Variants in SPRYD3 observed in about 807,000 individuals in gnomAD.
SPRYD3 encodes SPRY domain containing 3.
In SPRYD3, 17 loss-of-function variants were observed where a neutral mutation model predicts 50.1. That is an observed-to-expected ratio of 0.34 (90% CI 0.23 to 0.51). The LOEUF (loss-of-function observed/expected upper bound fraction) is 0.51. Ranked by LOEUF, SPRYD3 falls within the 20% of genes least tolerant of loss-of-function variation. The pLI, the probability that SPRYD3 is intolerant of heterozygous loss-of-function variation, is 0.97. For synonymous variants in SPRYD3, 198 were observed against 215.5 expected (o/e 0.92, Z 0.71); for missense variants, 401 against 591.2 (o/e 0.68, Z 3.34).
At position 53,067,712 on chromosome 12, in the gene SPRYD3, CAAG is replaced by C. The variant is rs1249133493; in HGVS notation, c.844-10_844-8del. 5 of 1,613,544 alleles carry C rather than the reference CAAG, an allele frequency of 3.1e-6. No individual in the cohort carries two copies. Among genetic ancestry groups the C allele is most frequent in the Non-Finnish European group, 4.2e-6 (5 of 1,179,596 alleles). On this transcript the variant is annotated splice_polypyrimidine_tract_variant and splice_region_variant and intron_variant, in intron 7 of 10. Transcript: ENST00000301463. The stretch of plus-strand genomic sequence containing the variant: ...GCCTGTTCTTGGGATAGTCCTGCAC[CAAG>C]AAGAGAAAAGAAAATCTATGGTCCC...
chr12:53,070,245 T>C (rs546781639), intron 6 of SPRYD3, among the ~76,000 whole-genome samples: 61 of 152,294 alleles, frequency 4.0e-4, no homozygotes, highest in African/African-American at 1.3e-3. Context: ...GCCCTCACAG[T>C]GAAAGCCATC....
At chr12:53,073,262 C>CGGGGGGGGGGGGG in intron 6 of SPRYD3, 24 bp downstream of exon 6, 1 of 145,522 alleles carries the variant, frequency 6.9e-6, no homozygotes. Context: ...CCCAGCCCCT[C>CGGGGGGGGGGGGG]CCACCCTCCC....
chr12:53,075,314 G>C (rs1359992098), intron 3 of SPRYD3, 95 bp from the exon 4 acceptor site: 3 of 1,350,744 alleles, frequency 2.2e-6, no homozygotes, highest in Non-Finnish European at 3.1e-6. Context: ...AAAGGGCGCT[G>C]AGGCTCAAAA....
At chr12:53,068,054 C>G in intron 7 of SPRYD3, 101 bp downstream of exon 7, 3 of 1,392,754 alleles carry the variant, frequency 2.2e-6, no homozygotes, top group Non-Finnish European at 3.0e-6. Context: ...CCCTCCAAAG[C>G]CTGGGCTCCC....
chr12:53,070,117 C>T (rs748200753), intron 6 of SPRYD3, among the ~76,000 whole-genome samples: 3 of 152,228 alleles, frequency 2.0e-5, no homozygotes, highest in Non-Finnish European at 4.4e-5. Context: ...AAAACCCACT[C>T]TCTACCTGCC....
intron 1 of SPRYD3, among the ~76,000 whole-genome samples, chr12:53,078,707 A>G (rs1208507813): frequency 6.6e-6 from 1 of 152,178 alleles, no homozygotes; most frequent in Non-Finnish European, 1.5e-5. Flanking sequence ...CCCTACATAT[A>G]AATGAATGAA....
chr12:53,073,428 G>C lies in SPRYD3; in HGVS notation c.551C>G (p.Pro184Arg). 6.4e-7 allele frequency: 1 copy of C among 1,571,942 alleles called. No individual in the cohort carries two copies. Among genetic ancestry groups the C allele is most frequent in the Non-Finnish European group, 8.6e-7 (1 of 1,157,978 alleles). ...ACCCAGGGAGTGCATGCCCACTGCT[G>C]GGAACAGTCCATCTGGGGACATGGG... is the stretch of plus-strand genomic sequence containing the variant. ...IMPMSPDGLF[P>R]AVGMHSLGEE... Residue 184 changes from proline to arginine, a missense_variant, in exon 6 of 11, where the codon CCA becomes CGA. Pro to Arg is a moderately radical substitution (Grantham distance 103). Transcript: ENST00000301463.
At position 53,065,972 on chromosome 12, in the gene SPRYD3, G is replaced by T. The variant is rs373969613; in HGVS notation, c.1195-6C>A. 86 of 1,611,410 alleles carry T rather than the reference G, an allele frequency of 5.3e-5. 1 individual carries two copies. The Middle Eastern group carries it at 7.3e-3, about 136-fold the overall frequency. On this transcript the variant is annotated splice_region_variant and splice_polypyrimidine_tract_variant and intron_variant, in intron 10 of 10. Coordinates refer to ENST00000301463, the MANE Select transcript of SPRYD3 (RefSeq NM_032840.3). ...CCATTCCGAGTGAAGAAAACCTGGGGAGGAGGTGGGGAGAAGAATGGAGCA... is the reference window on the plus strand; with the variant it reads ...CCATTCCGAGTGAAGAAAACCTGGGTAGGAGGTGGGGAGAAGAATGGAGCA...
chr12:53,070,635 A>C (rs1310132029), intron 6 of SPRYD3, among the ~76,000 whole-genome samples: 1 of 152,212 alleles, frequency 6.6e-6, no homozygotes, highest in Non-Finnish European at 1.5e-5. Context: ...ATTTCCAAAA[A>C]CAAGTGGGAA....
At chr12:53,070,719 C>T (rs1311716587) in intron 6 of SPRYD3, among the ~76,000 whole-genome samples, 3 of 152,124 alleles carry the variant, frequency 2.0e-5, no homozygotes, top group South Asian at 2.1e-4. Flanking sequence ...TTGGAATTGC[C>T]GATCACAAAG....
chr12:53,074,960 G>A lies in SPRYD3; in HGVS notation c.371+135C>T. ...TAGTCTGTAAGCCTTCAAGGGTGCTGCCAGGCCACTTCCCTGTCCTGACCA... is the reference window on the plus strand; with the variant it reads ...TAGTCTGTAAGCCTTCAAGGGTGCTACCAGGCCACTTCCCTGTCCTGACCA... On this transcript the variant is annotated intron_variant, in intron 4 of 10. Coordinates refer to ENST00000301463, the MANE Select transcript of SPRYD3 (RefSeq NM_032840.3). This position sits in a 1 kb window ranked among gnomAD's most constrained non-coding sequence, Gnocchi z 4.6. 2.9e-6 allele frequency: 4 copies of A among 1,388,980 alleles called. No individual in the cohort carries two copies. The highest frequency in any genetic ancestry group is 3.0e-6 in the Non-Finnish European group (3 of 996,930). 86.0% of individuals were successfully genotyped at this position (1,388,980 alleles called of 1,614,324 possible). A position where few individuals can be genotyped will look rare whatever the true frequency, so the allele number is the denominator to read the frequency against.
In SPRYD3 at chr12:53,070,317, T is replaced by C. The variant is rs139760118; in HGVS notation, c.694-2013A>G. 2.5e-3 allele frequency among the ~76,000 whole-genome samples: 386 copies of C among 152,288 alleles called. 3 individuals are homozygous for C. The highest frequency in any genetic ancestry group is 8.8e-3 in the African/African-American group (367 of 41,554). Reference sequence around the variant, plus strand: ...AGCTCCCCCGACCCCTCCTGAGCCTTCCCAGAGAACTCAGAGGGGTGGAAG... The same window carrying C: ...AGCTCCCCCGACCCCTCCTGAGCCTCCCCAGAGAACTCAGAGGGGTGGAAG... On this transcript the variant is annotated intron_variant, in intron 6 of 10. Coordinates refer to ENST00000301463, the MANE Select transcript of SPRYD3 (RefSeq NM_032840.3).
At chr12:53,071,409 A>G (rs886306412) in intron 6 of SPRYD3, among the ~76,000 whole-genome samples, 2 of 152,178 alleles carry the variant, frequency 1.3e-5, no homozygotes, top group Non-Finnish European at 2.9e-5. Context: ...TCACTTTGCG[A>G]GGCCTGGAGG....
intron 1 of SPRYD3, 150 bp downstream of exon 1, chr12:53,079,161 G>T: frequency 1.2e-6 from 1 of 837,512 alleles, no homozygotes; most frequent in Non-Finnish European, 1.9e-6. Flanking sequence ...CCCTGCACTG[G>T]GCCGAGGGTG....
intron 6 of SPRYD3, 155 bp downstream of exon 6, chr12:53,073,131 G>A: frequency 3.6e-6 from 2 of 548,836 alleles, no homozygotes; most frequent in Non-Finnish European, 6.6e-6. Context: ...TGGACTCAAG[G>A]ACTCATGTCA....
In SPRYD3 at chr12:53,073,127, C is replaced by G. The variant is rs1359284318; in HGVS notation, c.693+159G>C. The G allele has an allele frequency of 9.1e-6, 5 of 548,016 alleles. No individual in the cohort carries two copies. The African/African-American group carries it at 9.5e-5, about 10-fold the overall frequency. 33.9% of individuals were successfully genotyped at this position (548,016 alleles called of 1,614,324 possible). On this transcript the variant is annotated intron_variant, in intron 6 of 10. Transcript: ENST00000301463. ...GCTAAAGAAAACACAGATCTGGACT[C>G]AAGGACTCATGTCAAGAGCCTAGGC...
chr12:53,079,379 C>T lies in SPRYD3; in HGVS notation c.-46G>A. On this transcript the variant is annotated 5_prime_UTR_variant, in exon 1 of 11. The change creates a new upstream start codon in the 5' untranslated region. Transcript: ENST00000301463. ...CACACAAGCTCTTCGGCCGCCGCCA[C>T]CACACACATCCGGGTCCCCGCCTTT... 2 of 1,589,698 alleles carry T rather than the reference C, an allele frequency of 1.3e-6. No homozygotes were observed.
rs766825162 is a variant in SPRYD3 at position 53,067,687 on chromosome 12, G to A, written c.862C>T (p.His288Tyr). 3.1e-6 allele frequency: 5 copies of A among 1,613,936 alleles called. No homozygotes were observed. Among genetic ancestry groups the A allele is most frequent in the Non-Finnish European group, 4.2e-6 (5 of 1,179,976 alleles). Residue 288 changes from histidine (H) to tyrosine (Y), a missense_variant, in exon 8 of 11, where the codon CAC (histidine) becomes TAC (tyrosine). By Grantham distance (83) the His-to-Tyr change is moderately conservative (BLOSUM62 2). Transcript: ENST00000301463. ...LARKDYPKNR[H>Y]PGWSRGSVAY... ...ACAGACCCTCTGCTCCAGCCAGGGTGCCTGTTCTTGGGATAGTCCTGCACC... is the reference window on the plus strand; with the variant it reads ...ACAGACCCTCTGCTCCAGCCAGGGTACCTGTTCTTGGGATAGTCCTGCACC...
intron 6 of SPRYD3, among the ~76,000 whole-genome samples, chr12:53,070,505 C>T (rs1013524224): frequency 1.3e-5 from 2 of 152,154 alleles, no homozygotes; most frequent in Non-Finnish European, 2.9e-5. Context: ...CCTCAGAATC[C>T]AACAGACCTG....
Sources: gnomAD v4.1 joint callset for allele counts (sites outside exome capture counted in the v4.1 genomes callset) on GRCh38, gnomAD v4.1.1 for gene constraint, Gnocchi (gnomAD v3.1) non-coding constraint, MANE v1.5 for transcripts, NCBI Gene and HGNC (gene_info 2026-07-23, HGNC 2026-07-21) for gene names.